ACSBG1: variants seen among roughly 807,000 people sequenced by gnomAD.
ACSBG1 encodes long-chain-fatty-acid--CoA ligase ACSBG1.
In ACSBG1, 39 loss-of-function variants were observed where a neutral mutation model predicts 80.2. The ratio of observed to expected loss-of-function variants is 0.49; its 90% confidence interval spans 0.38 to 0.64. The LOEUF is 0.64. Ranked by LOEUF, ACSBG1 falls within the 30% of genes least tolerant of loss-of-function variation. The probability of loss-of-function intolerance (pLI) is 0.00; values close to 1 mark genes in which losing one functional copy is unlikely to be tolerated. For missense variants in ACSBG1, 828 were observed against 966.4 expected (o/e 0.86, Z 1.90); for synonymous variants, 392 against 379.5 (o/e 1.03, Z -0.38).
rs1056133621 is a variant in ACSBG1, at chr15:78,169,670, A to T, written c.*1774T>A. Reference sequence around the variant, plus strand: ...AAGGTAATATATTGGATACAAAGACACAAATGTATTGTGTGTTCAATTATT... The same window carrying T: ...AAGGTAATATATTGGATACAAAGACTCAAATGTATTGTGTGTTCAATTATT... On this transcript the variant is annotated 3_prime_UTR_variant, in exon 14 of 14. Transcript: ENST00000258873. 1 of 152,254 alleles carries T rather than the reference A, an allele frequency of 6.6e-6. No individual in the cohort carries two copies. Among genetic ancestry groups the T allele is most frequent in the Non-Finnish European group, 1.5e-5 (1 of 68,040 alleles). 9.4% of individuals were successfully genotyped at this position (152,254 alleles called of 1,614,324 possible). A position where few individuals can be genotyped will look rare whatever the true frequency, so the allele number is the denominator to read the frequency against.
chr15:78,193,682 T>TCCCCCCCCCCCCCAGCAGTTTCC, intron 4 of ACSBG1, 56 bp from the exon 5 acceptor site: 1 of 1,560,282 alleles, frequency 6.4e-7, no homozygotes. Flanking sequence ...GCCACCCCCT[T>TCCCCCCCCCCCCCAGCAGTTTCC]CCCCCACCCC....
chr15:78,232,197 T>C (rs928554983), intron 1 of ACSBG1, among the ~76,000 whole-genome samples: 2 of 152,244 alleles, frequency 1.3e-5, no homozygotes, highest in Non-Finnish European at 2.9e-5. Flanking sequence ...TTTTCTGCAA[T>C]GTCAATGAAG....
Position 78,169,055 on chromosome 15 carries a change from G to A in ACSBG1, c.*2389C>T, listed in dbSNP as rs766656068. On this transcript the variant is annotated 3_prime_UTR_variant, in exon 14 of 14. Transcript: ENST00000258873. ...CAGTCACTCTAAATGGACACCACAT[G>A]AACCTCTGTTTAGAATACCTACGTA... 17 of 1,169,940 alleles carry A rather than the reference G, an allele frequency of 1.5e-5. No homozygotes were observed. Among genetic ancestry groups the A allele is most frequent in the Non-Finnish European group, 1.9e-5 (15 of 786,770 alleles). 72.5% of individuals were successfully genotyped at this position (1,169,940 alleles called of 1,614,324 possible). A position where few individuals can be genotyped will look rare whatever the true frequency, so the allele number is the denominator to read the frequency against.
intron 5 of ACSBG1, among the ~76,000 whole-genome samples, chr15:78,185,306 G>T (rs1279356221): frequency 6.6e-6 from 1 of 152,216 alleles, no homozygotes; most frequent in Non-Finnish European, 1.5e-5. Flanking sequence ...AGGGCTGGAA[G>T]TCAAACAGCA....
At chr15:78,231,866 G>A (rs1056991563) in intron 1 of ACSBG1, among the ~76,000 whole-genome samples, 1 of 152,226 alleles carries the variant, frequency 6.6e-6, no homozygotes, top group African/African-American at 2.4e-5. Context: ...TAGAATTACA[G>A]GCATGAGCCA....
chr15:78,205,632 T>C (rs2075206688), intron 2 of ACSBG1, among the ~76,000 whole-genome samples: 2 of 152,212 alleles, frequency 1.3e-5, no homozygotes, highest in Non-Finnish European at 2.9e-5. Flanking sequence ...TTGTTTTCCC[T>C]GCTACTGATA....
intron 2 of ACSBG1, among the ~76,000 whole-genome samples, chr15:78,198,481 G>A (rs1197156329): frequency 6.6e-6 from 1 of 152,046 alleles, no homozygotes; most frequent in Non-Finnish European, 1.5e-5. Context: ...CAAGTAGCTG[G>A]GATTACAGGT....
Position 78,169,115 on chromosome 15 carries a change from AT to A in ACSBG1, c.*2328del. On this transcript the variant is annotated 3_prime_UTR_variant, in exon 14 of 14. Coordinates refer to ENST00000258873, the MANE Select transcript of ACSBG1 (RefSeq NM_015162.5). ...TGGTTTGCTTGTTTCTTGACAGTACATTTTTAGATCTGGCCTTTTCTTAACA... is the reference window on the plus strand; with the variant it reads ...TGGTTTGCTTGTTTCTTGACAGTACATTTTAGATCTGGCCTTTTCTTAACA... 1.6e-6 allele frequency: 1 copy of A among 606,720 alleles called. No homozygotes were observed. Among genetic ancestry groups the A allele is most frequent in the Non-Finnish European group, 2.8e-6 (1 of 356,156 alleles). The allele number at this position is 606,720 out of a possible 1,614,324, so 37.6% of individuals were successfully genotyped here.
rs1281689958 is a variant in ACSBG1 at position 78,171,084 on chromosome 15, C to G, written c.*360G>C. 5.6e-6 allele frequency: 1 copy of G among 177,394 alleles called. No homozygotes were observed. The highest frequency in any genetic ancestry group is 1.2e-5 in the Non-Finnish European group (1 of 83,350). 11.0% of individuals were successfully genotyped at this position (177,394 alleles called of 1,614,324 possible). A position where few individuals can be genotyped will look rare whatever the true frequency, so the allele number is the denominator to read the frequency against. On this transcript the variant is annotated 3_prime_UTR_variant, in exon 14 of 14. Coordinates refer to ENST00000258873, the MANE Select transcript of ACSBG1 (RefSeq NM_015162.5). ...GCAGTATCAGCCATCTCTCTCCTAC[C>G]CGCTCCACAGCCTACTGCTGGCTGT...
intron 2 of ACSBG1, among the ~76,000 whole-genome samples, chr15:78,203,129 T>G (rs1351724135): frequency 6.6e-6 from 1 of 152,212 alleles, no homozygotes; most frequent in African/African-American, 2.4e-5. Context: ...TCAGGATGAC[T>G]GCCAGTCCTT....
chr15:78,203,313 CCAGCAAGG>C, intron 2 of ACSBG1, among the ~76,000 whole-genome samples: 1 of 152,324 alleles, frequency 6.6e-6, no homozygotes, highest in South Asian at 2.1e-4. Context: ...TCTCTGTTGC[CCAGCAAGG>C]CACCCAGATC....
At chr15:78,175,020 T>C (rs1240695901) in intron 11 of ACSBG1, among the ~76,000 whole-genome samples, 1 of 152,246 alleles carries the variant, frequency 6.6e-6, no homozygotes, top group East Asian at 1.9e-4. Context: ...CAGTAACTTG[T>C]CCAAGCTCAC....
chr15:78,206,357 G>A, intron 2 of ACSBG1, among the ~76,000 whole-genome samples: 1 of 152,206 alleles, frequency 6.6e-6, no homozygotes, highest in Non-Finnish European at 1.5e-5. Flanking sequence ...ACAGCTCCCA[G>A]AGGGAGCCCT....
At chr15:78,225,443 TA>T (rs1469157498) in intron 1 of ACSBG1, among the ~76,000 whole-genome samples, 1 of 126,336 alleles carries the variant, frequency 7.9e-6, no homozygotes, top group East Asian at 2.3e-4. Flanking sequence ...AAAAATAAAT[TA>T]AAAAATAAAA....
chr15:78,234,120 T>G (rs1475990735), intron 1 of ACSBG1, among the ~76,000 whole-genome samples: 1 of 152,210 alleles, frequency 6.6e-6, no homozygotes, highest in African/African-American at 2.4e-5. Context: ...CCAACTGGTC[T>G]CCAACTGCAG....
At chr15:78,180,119 TATAC>T (rs764107974) in intron 9 of ACSBG1, among the ~76,000 whole-genome samples, 1 of 152,228 alleles carries the variant, frequency 6.6e-6, no homozygotes, top group Non-Finnish European at 1.5e-5. Flanking sequence ...TGTATTCATG[TATAC>T]ACATGTACAA....
At chr15:78,216,032 CA>C (rs2075309742) in intron 1 of ACSBG1, among the ~76,000 whole-genome samples, 1 of 152,320 alleles carries the variant, frequency 6.6e-6, no homozygotes, top group South Asian at 2.1e-4. Context: ...GATCTCCTCC[CA>C]AGGCACTCAG....
intron 1 of ACSBG1, among the ~76,000 whole-genome samples, chr15:78,232,035 TG>T (rs2075450745): frequency 6.6e-6 from 1 of 152,192 alleles, no homozygotes; most frequent in Non-Finnish European, 1.5e-5. Flanking sequence ...GGTCACAGAA[TG>T]GGTTAGGAGC....
intron 2 of ACSBG1, among the ~76,000 whole-genome samples, chr15:78,195,443 T>C (rs564880773): frequency 1.3e-5 from 2 of 149,460 alleles, no homozygotes; most frequent in South Asian, 2.1e-4. Flanking sequence ...ACTTAGGACA[T>C]TGTCTGGGGT....
Sources: gnomAD v4.1 joint callset for allele counts (sites outside exome capture counted in the v4.1 genomes callset) on GRCh38, gnomAD v4.1.1 for gene constraint, MANE v1.5 for transcripts, NCBI Gene and HGNC (gene_info 2026-07-23, HGNC 2026-07-21) for gene names.